Variants in PKNOX2 observed in about 807,000 individuals in gnomAD.
PKNOX2 encodes the protein homeobox protein PKNOX2.
Under a neutral mutation model 53.1 loss-of-function variants are expected in PKNOX2, and 14 were observed. The observed-to-expected ratio is 0.26, with a 90% confidence interval of 0.17 to 0.41. The LOEUF (loss-of-function observed/expected upper bound fraction) is 0.41, where lower values mean the gene tolerates loss of function less well. Ranked by LOEUF, PKNOX2 falls within the 10% of genes least tolerant of loss-of-function variation. The pLI is 1.00. For missense variants in PKNOX2, 496 were observed against 602.8 expected, an observed-to-expected ratio of 0.82 and a Z score of 1.85; for synonymous variants, 257 against 242.8, an observed-to-expected ratio of 1.06 and a Z score of -0.54.
chr11:125,254,576 C>T (rs1490391755), intron 2 of PKNOX2, among the ~76,000 whole-genome samples: 5 of 152,208 alleles, frequency 3.3e-5, no homozygotes, highest in Non-Finnish European at 5.9e-5. Flanking sequence ...AGTTCTGACC[C>T]GCCTAACTCA....
At chr11:125,377,213 T>C (rs4937005) in intron 5 of PKNOX2, among the ~76,000 whole-genome samples, 11 of 152,236 alleles carry the variant, frequency 7.2e-5, no homozygotes, top group Admixed American at 4.6e-4. Flanking sequence ...TTGTCCTTAA[T>C]GAAAGAGGAC....
intron 2 of PKNOX2, among the ~76,000 whole-genome samples, chr11:125,286,158 A>C (rs1946885091): frequency 6.6e-6 from 1 of 152,210 alleles, no homozygotes; most frequent in Non-Finnish European, 1.5e-5. Flanking sequence ...GTACTTGTGG[A>C]TGCACGGGAA....
intron 5 of PKNOX2, among the ~76,000 whole-genome samples, chr11:125,384,770 C>T (rs904781479): frequency 2.0e-5 from 3 of 152,190 alleles, no homozygotes; most frequent in African/African-American, 7.2e-5. Context: ...CCCCGACCAC[C>T]ACACATACCC....
intron 2 of PKNOX2, among the ~76,000 whole-genome samples, chr11:125,248,503 A>G (rs114787920): frequency 1.9e-3 from 284 of 152,162 alleles, no homozygotes; most frequent in African/African-American, 6.4e-3. Flanking sequence ...TATTTTACTT[A>G]GATTTCTATT....
At chr11:125,259,881 T>TC (rs1332469431) in intron 2 of PKNOX2, among the ~76,000 whole-genome samples, 4 of 150,996 alleles carry the variant, frequency 2.6e-5, no homozygotes, top group Non-Finnish European at 5.9e-5. Context: ...TTTAATTCTT[T>TC]TTTTTTTTTT....
chr11:125,237,863 C>T (rs1942845487), intron 2 of PKNOX2, among the ~76,000 whole-genome samples: 1 of 152,210 alleles, frequency 6.6e-6, no homozygotes, highest in Admixed American at 6.5e-5. Flanking sequence ...CCTTCACTTA[C>T]ATCCAGGGCT....
chr11:125,428,662 T>A (rs1591570225), intron 10 of PKNOX2, among the ~76,000 whole-genome samples: 1 of 152,138 alleles, frequency 6.6e-6, no homozygotes, highest in East Asian at 1.9e-4. Context: ...ACACTGACAA[T>A]GCCTGCCCTG....
intron 2 of PKNOX2, among the ~76,000 whole-genome samples, chr11:125,321,648 C>T (rs1258883590): frequency 6.6e-6 from 1 of 152,134 alleles, no homozygotes; most frequent in Non-Finnish European, 1.5e-5. Flanking sequence ...TGGGAAACAG[C>T]CATAGACAAT....
At chr11:125,269,506 TA>T (rs1263961822) in intron 2 of PKNOX2, among the ~76,000 whole-genome samples, 20 of 152,332 alleles carry the variant, frequency 1.3e-4, no homozygotes, top group African/African-American at 4.8e-4. Flanking sequence ...GGGCTACAAT[TA>T]ATGCCAGGGC....
intron 1 of PKNOX2, among the ~76,000 whole-genome samples, chr11:125,212,557 C>T (rs765059587): frequency 4.7e-5 from 7 of 148,266 alleles, no homozygotes; most frequent in South Asian, 2.2e-4. Context: ...CGGGTTCAAG[C>T]GATTCTAGGA....
chr11:125,431,018 C>G, intron 12 of PKNOX2, 148 bp from the exon 13 acceptor site: 2 of 1,410,894 alleles, frequency 1.4e-6, no homozygotes, highest in Non-Finnish European at 1.9e-6. Flanking sequence ...GACTTCATAC[C>G]AGGGCATTGT....
chr11:125,342,438 C>G (rs1237967992), intron 3 of PKNOX2, among the ~76,000 whole-genome samples: 1 of 152,138 alleles, frequency 6.6e-6, no homozygotes, highest in Admixed American at 6.5e-5. Flanking sequence ...CCCCCCAGCT[C>G]CCAGTGAGCG....
At chr11:125,379,047 T>C (rs934312322) in intron 5 of PKNOX2, among the ~76,000 whole-genome samples, 1 of 139,636 alleles carries the variant, frequency 7.2e-6, no homozygotes, top group Non-Finnish European at 1.5e-5. Flanking sequence ...TACCTTTTTT[T>C]TCTTTCTCTT....
At chr11:125,178,741 G>GAAGGAAGAGAGAAAGA (rs377297369) in intron 1 of PKNOX2, among the ~76,000 whole-genome samples, 2,732 of 133,474 alleles carry the variant, frequency 0.02, 313 homozygotes, top group African/African-American at 0.086. Flanking sequence ...AGAGAGAAAG[G>GAAGGAAGAGAGAAAGA]AAGAAAGAGA....
intron 5 of PKNOX2, among the ~76,000 whole-genome samples, chr11:125,378,365 A>G (rs1952968938): frequency 2.0e-5 from 3 of 152,214 alleles, no homozygotes; most frequent in Non-Finnish European, 4.4e-5. Flanking sequence ...CTGCTGGCCC[A>G]TGCCTGAAGA....
intron 2 of PKNOX2, among the ~76,000 whole-genome samples, chr11:125,310,895 T>C (rs1219957196): frequency 1.3e-5 from 2 of 152,238 alleles, no homozygotes; most frequent in African/African-American, 2.4e-5. Flanking sequence ...TCGTTTGCTT[T>C]CCTTCTGTCG....
At chr11:125,341,792 G>T (rs553313209) in intron 3 of PKNOX2, among the ~76,000 whole-genome samples, 2 of 152,396 alleles carry the variant, frequency 1.3e-5, no homozygotes, top group South Asian at 4.1e-4. Flanking sequence ...TTGGGCGACG[G>T]AGGGAGTATC....
At position 125,271,885 on chromosome 11, in the gene PKNOX2, G is replaced by A. The variant is rs767998875; in HGVS notation, c.-130+36770G>A. ...AGCCAGACATACTGATGGGGAAGCC[G>A]CCTTTGCCCACCCCCGTGACAGATG... On this transcript the variant is annotated intron_variant, in intron 2 of 12. Coordinates refer to ENST00000298282, the MANE Select transcript of PKNOX2 (RefSeq NM_001382323.2). Among the ~76,000 whole-genome samples the A allele has an allele frequency of 1.1e-4, 16 of 152,124 alleles. 1 individual carries two copies. The highest frequency in any genetic ancestry group is 9.2e-4 in the Admixed American group (14 of 15,280).
intron 2 of PKNOX2, among the ~76,000 whole-genome samples, chr11:125,242,623 G>C (rs1162657139): frequency 6.6e-6 from 1 of 152,066 alleles, no homozygotes; most frequent in Non-Finnish European, 1.5e-5. Flanking sequence ...GCAGCCCAGG[G>C]GAAATGGCTC....
Sources: allele counts gnomAD v4.1 joint callset (sites outside exome capture counted in the v4.1 genomes callset), GRCh38; gene constraint gnomAD v4.1.1; transcripts MANE v1.5; gene names NCBI Gene and HGNC (gene_info 2026-07-23, HGNC 2026-07-21).